Variants in GUK1 observed in about 807,000 individuals in gnomAD.
GUK1 encodes the protein guanylate kinase 1.
GUK1 carries 18 observed loss-of-function variants against 25.2 expected under a neutral mutation model. The ratio of observed to expected loss-of-function variants is 0.71; its 90% CI spans 0.49 to 1.06. GUK1 has a LOEUF of 1.06. Ranked by LOEUF, GUK1 falls within the 50% of genes least tolerant of loss-of-function variation. The pLI, the probability that GUK1 is intolerant of heterozygous loss-of-function variation, is 0.00. For missense variants in GUK1, 261 were observed against 276.7 expected (o/e 0.94, Z 0.40); for synonymous variants, 105 against 117.6 (o/e 0.89, Z 0.69).
intron 2 of GUK1, chr1:228,141,609 G>A: frequency 9.0e-7 from 1 of 1,113,946 alleles, no homozygotes; most frequent in Non-Finnish European, 1.1e-6. Flanking sequence ...CGGGGGCAAG[G>A]TGGTGACTCT....
At chr1:228,147,242 G>A (rs948861512) in intron 5 of GUK1, among the ~76,000 whole-genome samples, 164 bp from the exon 5 acceptor site, 2 of 152,200 alleles carry the variant, frequency 1.3e-5, no homozygotes, top group Non-Finnish European at 2.9e-5. Flanking sequence ...GGGGCAGGGC[G>A]TGGGGGTAGC....
rs1321559485 is a variant in GUK1 at position 228,140,372 on chromosome 1, G to T, written c.-168+9G>T. On this transcript the variant is annotated intron_variant, in intron 1 of 8. Coordinates refer to ENST00000312726, the MANE Select transcript of GUK1 (RefSeq NM_000858.7). Reference sequence around the variant, plus strand: ...CCGGGCCCCACCGGACGGTGAGTACGACAAGCGCGATCGCGAGGGTGACTC... The same window carrying T: ...CCGGGCCCCACCGGACGGTGAGTACTACAAGCGCGATCGCGAGGGTGACTC... 1 of 1,508,346 alleles carries T rather than the reference G, an allele frequency of 6.6e-7. No homozygotes were observed. The allele number at this position is 1,508,346 out of a possible 1,614,324, so 93.4% of individuals were successfully genotyped here. A position where few individuals can be genotyped will look rare whatever the true frequency, so the allele number is the denominator to read the frequency against.
chr1:228,147,303 T>TGTGGGAGGAGAACGCTGGGC (rs2034435352), intron 5 of GUK1, 103 bp from the exon 5 acceptor site: 1 of 1,126,078 alleles, frequency 8.9e-7, no homozygotes, highest in Non-Finnish European at 1.3e-6. Context: ...TAGGCTCAGC[T>TGTGGGAGGAGAACGCTGGGC]GTGGGAGGAG....
upstream of GUK1, chr1:228,140,239 C>A: frequency 3.7e-6 from 5 of 1,352,992 alleles, no homozygotes; most frequent in Non-Finnish European, 4.0e-6. Flanking sequence ...GTCTCGCGCG[C>A]GGGCGGAGGT....
chr1:228,140,504 G>A (rs1057475711), intron 1 of GUK1, 141 bp downstream of exon 1: 26 of 658,690 alleles, frequency 3.9e-5, no homozygotes, highest in Non-Finnish European at 6.1e-5. Context: ...TGTGGGCCCT[G>A]AGAACGGGGG....
chr1:228,143,844 G>T (rs903957354), intron 2 of GUK1, among the ~76,000 whole-genome samples: 13 of 152,172 alleles, frequency 8.5e-5, no homozygotes, highest in Non-Finnish European at 1.5e-5. Context: ...AGATGAAAAC[G>T]ATGTGTGCTT....
chr1:228,143,092 G>A (rs1200402540), intron 2 of GUK1, among the ~76,000 whole-genome samples: 4 of 152,180 alleles, frequency 2.6e-5, no homozygotes, highest in Non-Finnish European at 5.9e-5. Flanking sequence ...CAGGAGGGAG[G>A]AGGGGAGGCC....
chr1:228,141,887 C>T (rs1173117902), intron 2 of GUK1: 3 of 815,078 alleles, frequency 3.7e-6, no homozygotes, highest in Non-Finnish European at 4.8e-6. Flanking sequence ...GAGTTTGCGA[C>T]TGTGGGTTGG....
At chr1:228,146,457 G>A (rs1194398391) in intron 4 of GUK1, 3 of 408,238 alleles carry the variant, frequency 7.3e-6, no homozygotes, top group East Asian at 8.4e-5. Flanking sequence ...CAGCACCCCC[G>A]CCCCTTGCCG....
intron 1 of GUK1, chr1:228,141,103 C>T (rs2034017755): frequency 3.1e-6 from 3 of 983,032 alleles, no homozygotes; most frequent in Admixed American, 1.2e-4. Context: ...TCTTTGGGCT[C>T]ATGGCCCCTT....
chr1:228,148,300 TG>T, intron 7 of GUK1, 70 bp from the exon 7 acceptor site: 1 of 1,080,600 alleles, frequency 9.3e-7, no homozygotes, highest in Non-Finnish European at 1.4e-6. Flanking sequence ...TGGGCTGCTC[TG>T]GGGGTCGTGT....
intron 7 of GUK1, 146 bp downstream of exon 6, chr1:228,147,845 C>A (rs1224970288): frequency 1.5e-5 from 10 of 649,336 alleles, no homozygotes; most frequent in Non-Finnish European, 2.6e-5. Flanking sequence ...TACCTCCCAA[C>A]ACCTAGAGTC....
chr1:228,148,565 C>A, intron 8 of GUK1, 100 bp from the exon 8 acceptor site: 3 of 1,371,632 alleles, frequency 2.2e-6, no homozygotes, highest in South Asian at 1.3e-5. Flanking sequence ...CCTACCCAAG[C>A]ACTGGCATGA....
At chr1:228,148,562 A>G (rs1482165979) in intron 8 of GUK1, 103 bp from the exon 8 acceptor site, 1 of 1,369,390 alleles carries the variant, frequency 7.3e-7, no homozygotes, top group East Asian at 2.3e-5. Flanking sequence ...AGTCCTACCC[A>G]AGCACTGGCA....
At chr1:228,143,978 G>A (rs1177233532) in intron 2 of GUK1, among the ~76,000 whole-genome samples, 1 of 152,208 alleles carries the variant, frequency 6.6e-6, no homozygotes, top group Non-Finnish European at 1.5e-5. Context: ...TGGGGGTCCG[G>A]TGTGTTTGTG....
intron 1 of GUK1, chr1:228,141,042 T>C (rs947086): frequency 0.99 from 568,045 of 576,536 alleles, 280,448 homozygotes; most frequent in East Asian, 1. Context: ...GGTTTCGTCT[T>C]TGCATGAAAG....
upstream of GUK1, chr1:228,140,104 C>A (rs117653080): frequency 0.013 from 7,557 of 559,982 alleles, 347 homozygotes; most frequent in East Asian, 0.13. Context: ...GTGCTGAACG[C>A]CCCTGCGGTC....
Position 228,145,944 on chromosome 1 carries a change from T to A in GUK1, c.113-82T>A. On this transcript the variant is annotated intron_variant, in intron 3 of 8. Transcript: ENST00000312726. ...GGCTGCCTGCATCCTGGGGCTCAAG[T>A]GCTGTCGGGACTGCAAGGGAAACGC... 2.9e-6 allele frequency: 3 copies of A among 1,020,046 alleles called. No homozygotes were observed. The South Asian group carries it at 3.9e-5, about 13-fold the overall frequency. The allele number at this position is 1,020,046 out of a possible 1,614,324, so 63.2% of individuals were successfully genotyped here.
chr1:228,143,003 C>T (rs963967094), intron 2 of GUK1, among the ~76,000 whole-genome samples: 1 of 152,150 alleles, frequency 6.6e-6, no homozygotes, highest in African/African-American at 2.4e-5. Flanking sequence ...GGAGCCTGGA[C>T]CCCTGCCTGG....
Sources: allele counts gnomAD v4.1 joint callset (sites outside exome capture counted in the v4.1 genomes callset), GRCh38; gene constraint gnomAD v4.1.1; transcripts MANE v1.5; gene names NCBI Gene and HGNC (gene_info 2026-07-23, HGNC 2026-07-21).